Variants in BLOC1S5 observed in about 807,000 individuals in gnomAD.
BLOC1S5 encodes the protein biogenesis of lysosomal organelles complex 1 subunit 5, also known as biogenesis of lysosome-related organelles complex 1 subunit 5.
A neutral mutation model predicts 24.3 loss-of-function variants in BLOC1S5; 27 were observed. The ratio of observed to expected loss-of-function variants is 1.11; its 90% confidence interval spans 0.82 to 1.53. The LOEUF is 1.53. BLOC1S5 is among the 40% of genes most tolerant of loss of function. The pLI, the probability that BLOC1S5 is intolerant of heterozygous loss-of-function variation, is 0.00. For synonymous variants in BLOC1S5, 84 were observed against 74.5 expected (o/e 1.13, Z -0.66); for missense variants, 239 against 229.4 (o/e 1.04, Z -0.27).
chr6:8,026,702 A>G (rs558697770), intron 3 of BLOC1S5, among the ~76,000 whole-genome samples: 1 of 152,316 alleles, frequency 6.6e-6, no homozygotes, highest in African/African-American at 2.4e-5. Context: ...CAGATTGTCT[A>G]CAGCTCTCTC....
intron 2 of BLOC1S5, among the ~76,000 whole-genome samples, chr6:8,044,321 G>A (rs1023034293): frequency 2.1e-5 from 3 of 144,622 alleles, no homozygotes; most frequent in East Asian, 2.1e-4. Context: ...AGTGTCTTTC[G>A]CCTCCCACCA....
chr6:8,032,935 T>A (rs1187914671), intron 3 of BLOC1S5, among the ~76,000 whole-genome samples: 1 of 152,134 alleles, frequency 6.6e-6, no homozygotes, highest in Non-Finnish European at 1.5e-5. Context: ...GTGAAGGACC[T>A]CTTCAAGGAG....
intron 3 of BLOC1S5, among the ~76,000 whole-genome samples, chr6:8,035,977 T>G (rs1181112647): frequency 6.6e-6 from 1 of 152,152 alleles, no homozygotes; most frequent in Non-Finnish European, 1.5e-5. Flanking sequence ...GATCATATCT[T>G]AGGCCACAAA....
intron 3 of BLOC1S5, among the ~76,000 whole-genome samples, chr6:8,036,892 C>T (rs762566975): frequency 6.6e-6 from 1 of 151,968 alleles, no homozygotes; most frequent in Non-Finnish European, 1.5e-5. Context: ...ATAAATAACC[C>T]ATATGGTAAC....
Position 8,062,582 on chromosome 6 carries a change from G to A in BLOC1S5, c.147C>T (p.His49=), listed in dbSNP as rs552120755. 1.8e-5 allele frequency: 29 copies of A among 1,603,386 alleles called. 1 individual carries two copies. In the South Asian group the frequency reaches 3.1e-4, roughly 17 times the overall value. The change falls in exon 2 of 5, where the codon CAC becomes CAT. Residue 49 remains histidine, a synonymous_variant. Coordinates refer to ENST00000397457, the MANE Select transcript of BLOC1S5 (RefSeq NM_201280.3). ...LGEIHSRLLD[H]RPVIQGETRY... ...GAGTTTCACCTTGAATAACTGGTCT[G>A]TGATCCAAAAGCCTTGAATGAATTT...
In BLOC1S5 at chr6:8,041,240, A is replaced by C; in HGVS notation, c.224T>G (p.Val75Gly). ...EEKRGLREMR[V>G]LENLKNMIHE... ...GATCATGTTCTTCAAATTTTCAAGA[A>C]CTCGCATTTCTCGAAGACCACGTTT... The change falls in exon 3 of 5, where the codon GTT (valine) becomes GGT (glycine). Residue 75 changes from valine to glycine, a missense_variant. Physicochemically the swap from Val to Gly is moderately radical, Grantham distance 109. Coordinates refer to ENST00000397457, the MANE Select transcript of BLOC1S5 (RefSeq NM_201280.3). 1 of 1,611,280 alleles carries C rather than the reference A, an allele frequency of 6.2e-7. No individual in the cohort carries two copies. Among genetic ancestry groups the C allele is most frequent in the Non-Finnish European group, 8.5e-7 (1 of 1,179,148 alleles).
chr6:8,058,493 C>G (rs1394423626), intron 2 of BLOC1S5, among the ~76,000 whole-genome samples: 9 of 150,810 alleles, frequency 6.0e-5, no homozygotes, highest in Non-Finnish European at 1.2e-4. Flanking sequence ...AGAGAATGGT[C>G]TCTTAGTTCA....
chr6:8,033,097 T>C (rs1763360713), intron 3 of BLOC1S5, among the ~76,000 whole-genome samples: 1 of 152,152 alleles, frequency 6.6e-6, no homozygotes, highest in African/African-American at 2.4e-5. Flanking sequence ...AAGCTACCAA[T>C]GACCTTCTTC....
intron 1 of BLOC1S5, 56 bp from the exon 2 acceptor site, chr6:8,062,672 G>C (rs1757306135): frequency 4.1e-6 from 5 of 1,213,328 alleles, no homozygotes; most frequent in Non-Finnish European, 5.9e-6. Flanking sequence ...ATAATCTCTA[G>C]CTTGTTTTAC....
intron 3 of BLOC1S5, among the ~76,000 whole-genome samples, chr6:8,027,810 G>A (rs1239618513): frequency 1.5e-4 from 21 of 139,624 alleles, no homozygotes; most frequent in African/African-American, 4.7e-4. Context: ...GCAACAGAGC[G>A]AGACTCCATC....
intron 3 of BLOC1S5, among the ~76,000 whole-genome samples, chr6:8,038,152 T>C (rs530571547): frequency 6.6e-6 from 1 of 152,128 alleles, no homozygotes; most frequent in South Asian, 2.1e-4. Context: ...AACAGACAAA[T>C]GGGGTTACAT....
chr6:8,041,475 G>A (rs1239545331), intron 2 of BLOC1S5, among the ~76,000 whole-genome samples: 2 of 151,242 alleles, frequency 1.3e-5, no homozygotes, highest in African/African-American at 2.4e-5. Context: ...ATCACATCCA[G>A]CTAATTTTTT....
chr6:8,032,828 C>T (rs1243145307), intron 3 of BLOC1S5, among the ~76,000 whole-genome samples: 1 of 152,150 alleles, frequency 6.6e-6, no homozygotes, highest in African/African-American at 2.4e-5. Context: ...TCCTATACAG[C>T]ATTAACAGAC....
intron 3 of BLOC1S5, among the ~76,000 whole-genome samples, chr6:8,030,961 G>T (rs958716540): frequency 5.3e-5 from 8 of 151,780 alleles, no homozygotes; most frequent in African/African-American, 1.9e-4. Flanking sequence ...AGCAAAACCG[G>T]TATAGAAGGG....
intron 4 of BLOC1S5, among the ~76,000 whole-genome samples, chr6:8,020,972 C>CA (rs1413608242): frequency 6.6e-6 from 1 of 152,028 alleles, no homozygotes; most frequent in Non-Finnish European, 1.5e-5. Flanking sequence ...CAATGTTATG[C>CA]ATAATAGCCA....
chr6:8,046,719 G>T (rs78212423), intron 2 of BLOC1S5, among the ~76,000 whole-genome samples: 4,822 of 152,014 alleles, frequency 0.032, 237 homozygotes, highest in African/African-American at 0.1. Context: ...GCAAATCCTA[G>T]AAAGTATATC....
chr6:8,048,469 TG>T (rs1763979583), intron 2 of BLOC1S5, among the ~76,000 whole-genome samples: 1 of 151,754 alleles, frequency 6.6e-6, no homozygotes, highest in South Asian at 2.1e-4. Context: ...GAGTTCATAC[TG>T]ATAGTCAAAC....
At chr6:8,039,129 C>T (rs1310146441) in intron 3 of BLOC1S5, among the ~76,000 whole-genome samples, 1 of 151,992 alleles carries the variant, frequency 6.6e-6, no homozygotes, top group Non-Finnish European at 1.5e-5. Flanking sequence ...GAAATCCCAT[C>T]ATCTGCAGCC....
chr6:8,046,530 A>G (rs900286538), intron 2 of BLOC1S5, among the ~76,000 whole-genome samples: 1 of 152,140 alleles, frequency 6.6e-6, no homozygotes, highest in Non-Finnish European at 1.5e-5. Flanking sequence ...AGCCATTCTT[A>G]TAAGGCCAGT....
Sources: allele counts gnomAD v4.1 joint callset (sites outside exome capture counted in the v4.1 genomes callset), GRCh38; gene constraint gnomAD v4.1.1; transcripts MANE v1.5; gene names NCBI Gene and HGNC (gene_info 2026-07-23, HGNC 2026-07-21).